The following TTC7B variants were observed in gnomAD, a reference collection of about 807,000 sequenced individuals.
The protein encoded by TTC7B is tetratricopeptide repeat protein 7B.
TTC7B carries 28 observed loss-of-function variants against 106.8 expected under a neutral mutation model. The observed-to-expected ratio is 0.26, with a 90% CI of 0.19 to 0.36. TTC7B has a LOEUF of 0.36. Ranked by LOEUF, TTC7B falls within the 10% of genes least tolerant of loss-of-function variation. TTC7B has a pLI of 1.00. For synonymous variants in TTC7B, 405 were observed against 430.6 expected (o/e 0.94, Z 0.74); for missense variants, 862 against 1,076.4 (o/e 0.80, Z 2.79).
intron 15 of TTC7B, among the ~76,000 whole-genome samples, chr14:90,635,182 G>A (rs1422256904): frequency 6.6e-6 from 1 of 152,118 alleles, no homozygotes; most frequent in Non-Finnish European, 1.5e-5. Flanking sequence ...GTCTAAGAAA[G>A]TCTGCCAGCA....
At chr14:90,699,511 C>T in intron 5 of TTC7B, 1 of 306,236 alleles carries the variant, frequency 3.3e-6, no homozygotes. Flanking sequence ...TTCAATATCA[C>T]CTGTCATTGT....
chr14:90,607,325 G>A (rs1387675500), intron 17 of TTC7B, among the ~76,000 whole-genome samples: 1 of 152,194 alleles, frequency 6.6e-6, no homozygotes, highest in African/African-American at 2.4e-5. Context: ...CTGTGGCTGT[G>A]GCTGTGGCTG....
chr14:90,736,921 T>C (rs549762516), intron 4 of TTC7B, among the ~76,000 whole-genome samples: 239 of 141,848 alleles, frequency 1.7e-3, no homozygotes, highest in South Asian at 9.5e-3. Context: ...AAAAAGTATA[T>C]ATACGTATAT....
At chr14:90,772,017 A>AAT (rs548404604) in intron 3 of TTC7B, among the ~76,000 whole-genome samples, 13 of 146,758 alleles carry the variant, frequency 8.9e-5, no homozygotes, top group East Asian at 2.0e-4. Flanking sequence ...TAAATAAAGA[A>AAT]ATATATATAT....
intron 6 of TTC7B, among the ~76,000 whole-genome samples, chr14:90,694,164 G>A (rs1271045836): frequency 1.3e-5 from 2 of 152,180 alleles, no homozygotes; most frequent in Non-Finnish European, 2.9e-5. Flanking sequence ...CTACTCGGAG[G>A]CTGGGGCAGG....
intron 5 of TTC7B, among the ~76,000 whole-genome samples, chr14:90,711,766 A>G (rs992394143): frequency 2.0e-5 from 3 of 152,260 alleles, no homozygotes; most frequent in African/African-American, 7.2e-5. Flanking sequence ...AAAAATCAAC[A>G]GAGGAATTTA....
intron 4 of TTC7B, among the ~76,000 whole-genome samples, chr14:90,739,862 G>C (rs937556371): frequency 6.6e-6 from 1 of 152,214 alleles, no homozygotes; most frequent in Non-Finnish European, 1.5e-5. Context: ...TGGTATCCAA[G>C]GGTGAAGTCA....
intron 18 of TTC7B, among the ~76,000 whole-genome samples, chr14:90,584,441 C>A (rs2139812220): frequency 6.6e-6 from 1 of 152,344 alleles, no homozygotes; most frequent in South Asian, 2.1e-4. Context: ...TGACAACCAG[C>A]CTGGGCCCCA....
intron 2 of TTC7B, among the ~76,000 whole-genome samples, chr14:90,785,559 G>A (rs369687973): frequency 6.6e-6 from 1 of 152,134 alleles, no homozygotes; most frequent in Non-Finnish European, 1.5e-5. Flanking sequence ...GAACTGATGA[G>A]GAGTCCAAGA....
At chr14:90,795,973 C>T (rs1377481808) in intron 1 of TTC7B, among the ~76,000 whole-genome samples, 1 of 152,174 alleles carries the variant, frequency 6.6e-6, no homozygotes, top group Non-Finnish European at 1.5e-5. Context: ...AAACAGGGAA[C>T]CAGGCAGGAG....
At chr14:90,811,825 G>A (rs528738624) in intron 1 of TTC7B, among the ~76,000 whole-genome samples, 4 of 152,314 alleles carry the variant, frequency 2.6e-5, no homozygotes, top group African/African-American at 9.6e-5. Flanking sequence ...GCTTGCCTAA[G>A]AAGATTAACA....
rs1448612126 is a variant in TTC7B, at chr14:90,524,721, G to A, written c.*16647C>T. ...GTAGCCTGGGCCCTGCAGCTGCCCA[G>A]CCCTGGGGGTTAGGGCCTTGGGGTT... On this transcript the variant is annotated 3_prime_UTR_variant, in exon 20 of 20. Coordinates refer to ENST00000328459, the MANE Select transcript of TTC7B (RefSeq NM_001010854.2). 6.6e-6 allele frequency: 1 copy of A among 152,254 alleles called. No individual in the cohort carries two copies. Among genetic ancestry groups the A allele is most frequent in the Non-Finnish European group, 1.5e-5 (1 of 68,078 alleles). The allele number at this position is 152,254 out of a possible 1,614,324, so 9.4% of individuals were successfully genotyped here. A position where few individuals can be genotyped will look rare whatever the true frequency, so the allele number is the denominator to read the frequency against.
chr14:90,749,837 T>C (rs1388181535), intron 3 of TTC7B, among the ~76,000 whole-genome samples: 2 of 152,250 alleles, frequency 1.3e-5, no homozygotes, highest in Non-Finnish European at 2.9e-5. Context: ...TCAGACATGG[T>C]AGTTTTCATC....
At chr14:90,692,101 C>T (rs1431715558) in intron 6 of TTC7B, among the ~76,000 whole-genome samples, 1 of 152,170 alleles carries the variant, frequency 6.6e-6, no homozygotes, top group African/African-American at 2.4e-5. Context: ...CCACATGCTG[C>T]TTATCCATTC....
chr14:90,667,333 GACA>G (rs1886449451), intron 9 of TTC7B, among the ~76,000 whole-genome samples: 1 of 152,194 alleles, frequency 6.6e-6, no homozygotes, highest in Non-Finnish European at 1.5e-5. Flanking sequence ...CAAGACTGGA[GACA>G]ACGACATAGC....
At chr14:90,784,198 C>T (rs111910999) in intron 2 of TTC7B, among the ~76,000 whole-genome samples, 2 of 152,226 alleles carry the variant, frequency 1.3e-5, no homozygotes, top group African/African-American at 2.4e-5. Flanking sequence ...CAAGACCTAC[C>T]ACCTGTGTCC....
chr14:90,581,187 C>A (rs1891473892), intron 18 of TTC7B, among the ~76,000 whole-genome samples: 2 of 152,200 alleles, frequency 1.3e-5, no homozygotes, highest in African/African-American at 4.8e-5. Flanking sequence ...TACTGGGTGA[C>A]TCCTGCAGAC....
chr14:90,647,586 T>C (rs762742359), intron 13 of TTC7B, among the ~76,000 whole-genome samples: 1 of 149,078 alleles, frequency 6.7e-6, no homozygotes, highest in Non-Finnish European at 1.5e-5. Context: ...CAAAATTCCA[T>C]GCCGTTCACT....
Position 90,649,167 on chromosome 14 carries a change from A to G in TTC7B, c.1518-2144T>C, listed in dbSNP as rs534606137. Among the ~76,000 whole-genome samples the G allele has an allele frequency of 2.6e-5, 4 of 152,374 alleles. No homozygotes were observed. The South Asian group carries it at 8.3e-4, about 32-fold the overall frequency. On this transcript the variant is annotated intron_variant, in intron 13 of 19. Coordinates refer to ENST00000328459, the MANE Select transcript of TTC7B (RefSeq NM_001010854.2). Reference sequence around the variant, plus strand: ...TTAGGGCAACATCTGAAGGATTTCCAACTTGGCTAATGATGCATATTCAAC... The same window carrying G: ...TTAGGGCAACATCTGAAGGATTTCCGACTTGGCTAATGATGCATATTCAAC...
Sources: gnomAD v4.1 joint callset for allele counts (sites outside exome capture counted in the v4.1 genomes callset) on GRCh38, gnomAD v4.1.1 for gene constraint, MANE v1.5 for transcripts, NCBI Gene and HGNC (gene_info 2026-07-23, HGNC 2026-07-21) for gene names.